Variants in PIK3C2A observed in about 807,000 individuals in gnomAD.
PIK3C2A encodes the protein phosphatidylinositol-4-phosphate 3-kinase catalytic subunit type 2 alpha, also known as phosphatidylinositol 4-phosphate 3-kinase C2 domain-containing subunit alpha.
Under a neutral mutation model 204.5 loss-of-function variants are expected in PIK3C2A, and 97 were observed. The observed-to-expected ratio is 0.47, with a 90% CI of 0.40 to 0.56. The LOEUF is 0.56. Ranked by LOEUF, PIK3C2A falls within the 20% of genes least tolerant of loss-of-function variation. The pLI is 0.00. For synonymous variants in PIK3C2A, 653 were observed against 664.4 expected, an observed-to-expected ratio of 0.98 and a Z score of 0.26; for missense variants, 1,735 against 1,969.2, an observed-to-expected ratio of 0.88 and a Z score of 2.25.
intron 11 of PIK3C2A, among the ~76,000 whole-genome samples, chr11:17,134,455 G>A (rs898342978): frequency 6.6e-6 from 1 of 152,000 alleles, no homozygotes; most frequent in Non-Finnish European, 1.5e-5. Flanking sequence ...TCCACCTCCT[G>A]GGTCCAAGTG....
intron 22 of PIK3C2A, among the ~76,000 whole-genome samples, chr11:17,106,813 G>C (rs1848836169): frequency 6.6e-6 from 1 of 152,166 alleles, no homozygotes; most frequent in Admixed American, 6.6e-5. Flanking sequence ...GACACACACT[G>C]TCCCACTTCA....
At chr11:17,091,217 A>G (rs1848300300) in intron 32 of PIK3C2A, 117 bp downstream of exon 32, 1 of 847,402 alleles carries the variant, frequency 1.2e-6, no homozygotes, top group Non-Finnish European at 1.9e-6. Flanking sequence ...GCAGACCACA[A>G]TGGTACGTTT....
chr11:17,120,283 A>G (rs915299084), intron 15 of PIK3C2A, among the ~76,000 whole-genome samples: 2 of 152,138 alleles, frequency 1.3e-5, no homozygotes, highest in Non-Finnish European at 2.9e-5. Context: ...GAGTTGAAAA[A>G]GCAGATCCCA....
In PIK3C2A at chr11:17,117,637, T is replaced by G; in HGVS notation, c.3070A>C (p.Ser1024Arg). 6.8e-6 allele frequency: 11 copies of G among 1,608,908 alleles called. No individual in the cohort carries two copies. Among genetic ancestry groups the G allele is most frequent in the Non-Finnish European group, 9.3e-6 (11 of 1,177,170 alleles). The change falls in exon 19 of 33, where the codon AGT becomes CGT. Residue 1024 changes from serine to arginine, a missense_variant. By Grantham distance (110) the Ser-to-Arg change is moderately radical. Transcript: ENST00000691414. ...CCCAAAACATGTTCGTATCGGGTAC[T>G]AAACTGTACATCATGCAGGGCATCT... Reference protein sequence around the residue: ...LKDALHDVQFSTRYEHVLGAL... With the variant: ...LKDALHDVQFRTRYEHVLGAL...
At chr11:17,149,287 AT>A (rs1233528505) in intron 4 of PIK3C2A, among the ~76,000 whole-genome samples, 3 of 152,272 alleles carry the variant, frequency 2.0e-5, no homozygotes, top group Non-Finnish European at 4.4e-5. Context: ...TTTAAAAAAA[AT>A]CACATGTACC....
intron 32 of PIK3C2A, 102 bp downstream of exon 32, chr11:17,091,232 A>G (rs763316820): frequency 6.3e-5 from 62 of 979,994 alleles, no homozygotes; most frequent in African/African-American, 1.3e-4. Flanking sequence ...ACGTTTAGCT[A>G]TGTAACAAAC....
At chr11:17,116,643 A>C (rs113437257) in intron 19 of PIK3C2A, among the ~76,000 whole-genome samples, 2,491 of 151,646 alleles carry the variant, frequency 0.016, 29 homozygotes, top group Non-Finnish European at 0.028. Context: ...AGGCTGGAGT[A>C]TAGTGGCTCG....
At chr11:17,139,765 A>G (rs1363503667) in intron 8 of PIK3C2A, among the ~76,000 whole-genome samples, 3 of 152,186 alleles carry the variant, frequency 2.0e-5, no homozygotes, top group Admixed American at 1.3e-4. Flanking sequence ...CCACAATATC[A>G]TATCTGGTTA....
rs111352704 is a variant in PIK3C2A at position 17,181,483 on chromosome 11, C to T, written c.-65-11677G>A. On this transcript the variant is annotated intron_variant, in intron 1 of 32. Transcript: ENST00000691414. Reference sequence around the variant, plus strand: ...CAGAAAACACACACATATACACACACGTAAGGCGCTGGGTGTGGCATGCCC... The same window carrying T: ...CAGAAAACACACACATATACACACATGTAAGGCGCTGGGTGTGGCATGCCC... 2.1e-3 allele frequency among the ~76,000 whole-genome samples: 317 copies of T among 151,672 alleles called. 1 individual carries two copies. The highest frequency in any genetic ancestry group is 7.3e-3 in the African/African-American group (302 of 41,272).
At chr11:17,096,665 G>T (rs1412504207) in intron 27 of PIK3C2A, among the ~76,000 whole-genome samples, 1 of 152,204 alleles carries the variant, frequency 6.6e-6, no homozygotes, top group Non-Finnish European at 1.5e-5. Context: ...AGGGTGAAAA[G>T]TAGCAACAAA....
chr11:17,206,580 A>G (rs1401243897), intron 1 of PIK3C2A, among the ~76,000 whole-genome samples: 3 of 150,906 alleles, frequency 2.0e-5, no homozygotes, highest in African/African-American at 4.9e-5. Flanking sequence ...GTGAGACCCC[A>G]TGTCAATTAA....
rs940115439 is a variant in PIK3C2A, at chr11:17,087,229, T to C, written c.*2509A>G. On this transcript the variant is annotated 3_prime_UTR_variant, in exon 33 of 33. Coordinates refer to ENST00000691414, the MANE Select transcript of PIK3C2A (RefSeq NM_002645.4). ...GTGTCTTGGCCAGTTTGTTAAACTT[T>C]TTTTAGATTTACTTTAATGTCAGCT... 2.6e-5 allele frequency: 4 copies of C among 152,228 alleles called. No homozygotes were observed. Among genetic ancestry groups the C allele is most frequent in the African/African-American group, 9.6e-5 (4 of 41,474 alleles). 9.4% of individuals were successfully genotyped at this position (152,228 alleles called of 1,614,324 possible).
chr11:17,197,132 C>T (rs1293251355), intron 1 of PIK3C2A, among the ~76,000 whole-genome samples: 1 of 151,884 alleles, frequency 6.6e-6, no homozygotes, highest in African/African-American at 2.4e-5. Flanking sequence ...GCGATCCTCC[C>T]GCCTCAGCCT....
chr11:17,159,735 G>A (rs1044459744), intron 2 of PIK3C2A, among the ~76,000 whole-genome samples: 10 of 152,160 alleles, frequency 6.6e-5, no homozygotes, highest in Admixed American at 2.6e-4. Context: ...CTTTATTTTC[G>A]TATATATGGA....
At position 17,205,470 on chromosome 11, in the gene PIK3C2A, T is replaced by C. The variant is rs764682389; in HGVS notation, c.-66+2378A>G. 2.0e-3 allele frequency among the ~76,000 whole-genome samples: 169 copies of C among 83,534 alleles called. 6 individuals carry two copies. The highest frequency in any genetic ancestry group is 1.7e-3 in the Admixed American group (9 of 5,420). 54.8% of individuals were successfully genotyped at this position (83,534 alleles called of 152,430 possible). On this transcript the variant is annotated intron_variant, in intron 1 of 32. Coordinates refer to ENST00000691414, the MANE Select transcript of PIK3C2A (RefSeq NM_002645.4). The stretch of plus-strand genomic sequence containing the variant: ...GCCTCGTCAACAGAGTGAGACTCCA[T>C]CTCAAAAAAAAAAAAAAAAAAAAAA...
chr11:17,162,088 C>A (rs145474635), intron 2 of PIK3C2A, among the ~76,000 whole-genome samples: 83 of 152,246 alleles, frequency 5.5e-4, no homozygotes, highest in African/African-American at 1.9e-3. Flanking sequence ...GTCATCCCAG[C>A]ACTTTGGGAG....
rs1468608051 is a variant in PIK3C2A, at chr11:17,112,650, C to G, written c.3338G>C (p.Ser1113Thr). 7 of 1,518,466 alleles carry G rather than the reference C, an allele frequency of 4.6e-6. No individual in the cohort carries two copies. The highest frequency in any genetic ancestry group is 2.0e-5 in the Admixed American group (1 of 49,796). The allele number at this position is 1,518,466 out of a possible 1,614,324, so 94.1% of individuals were successfully genotyped here. ...GACTTTTAGGGGGACAGCATTAGAA[C>G]TGAAGAAGGAACACGACTGCAAATA... ...ELNIKSCSFF[S>T]SNAVPLKVTM... Residue 1113 changes from serine (S) to threonine (T), a missense_variant, in exon 21 of 33, where the codon AGT (serine) becomes ACT (threonine). Physicochemically the swap from Ser to Thr is moderately conservative, Grantham distance 58. Coordinates refer to ENST00000691414, the MANE Select transcript of PIK3C2A (RefSeq NM_002645.4).
At chr11:17,148,958 A>G (rs543680224) in intron 4 of PIK3C2A, among the ~76,000 whole-genome samples, 171 bp from the exon 5 acceptor site, 3 of 152,346 alleles carry the variant, frequency 2.0e-5, no homozygotes, top group South Asian at 4.1e-4. Context: ...AAGTAAATGG[A>G]AAGAGGTGAA....
At chr11:17,181,681 CACACACACACACAA>C (rs758278045) in intron 1 of PIK3C2A, among the ~76,000 whole-genome samples, 2,486 of 133,232 alleles carry the variant, frequency 0.019, 72 homozygotes, top group Non-Finnish European at 0.029. Context: ...CACACACACA[CACACACACACACAA>C]ACACACACAC....
Sources: allele counts gnomAD v4.1 joint callset (sites outside exome capture counted in the v4.1 genomes callset), GRCh38; gene constraint gnomAD v4.1.1; transcripts MANE v1.5; gene names NCBI Gene and HGNC (gene_info 2026-07-23, HGNC 2026-07-21).